Variants in LCP2 observed in about 807,000 individuals in gnomAD.
The protein encoded by LCP2 is 76 kDa tyrosine phosphoprotein.
Under a neutral mutation model 74.5 loss-of-function variants are expected in LCP2, and 29 were observed. The observed-to-expected ratio is 0.39, with a 90% CI of 0.29 to 0.53. LCP2 has a LOEUF of 0.53. LCP2 is among the 20% of genes least tolerant of loss of function. The pLI is 0.72. For synonymous variants in LCP2, 228 were observed against 229.5 expected (o/e 0.99, Z 0.06); for missense variants, 604 against 634.6 (o/e 0.95, Z 0.52).
intron 1 of LCP2, 25 bp from the exon 2 acceptor site, chr5:170,293,397 G>T: frequency 1.3e-6 from 2 of 1,569,370 alleles, no homozygotes; most frequent in South Asian, 2.3e-5. Context: ...GGAAGGTGTT[G>T]TTAGTGACGG....
intron 1 of LCP2, among the ~76,000 whole-genome samples, chr5:170,294,739 C>T (rs1762344401): frequency 6.6e-6 from 1 of 152,156 alleles, no homozygotes; most frequent in Non-Finnish European, 1.5e-5. Flanking sequence ...CCCTGGTATC[C>T]CCTTTATCTA....
At chr5:170,280,354 C>A (rs1028077534) in intron 3 of LCP2, among the ~76,000 whole-genome samples, 1 of 152,106 alleles carries the variant, frequency 6.6e-6, no homozygotes, top group Non-Finnish European at 1.5e-5. Context: ...TGCACACATT[C>A]CCACTCTCAG....
chr5:170,278,742 C>T (rs1762053500), intron 3 of LCP2, among the ~76,000 whole-genome samples: 1 of 152,070 alleles, frequency 6.6e-6, no homozygotes, highest in Non-Finnish European at 1.5e-5. Flanking sequence ...CTCTAGCAGC[C>T]AGGCTGGAGG....
intron 3 of LCP2, among the ~76,000 whole-genome samples, chr5:170,280,268 G>C (rs1254514247): frequency 6.6e-6 from 1 of 151,878 alleles, no homozygotes; most frequent in Non-Finnish European, 1.5e-5. Flanking sequence ...TCCTGGGTAG[G>C]GCAGATGCCT....
chr5:170,276,608 G>C (rs1225604222), intron 3 of LCP2, among the ~76,000 whole-genome samples: 1 of 152,106 alleles, frequency 6.6e-6, no homozygotes, highest in Non-Finnish European at 1.5e-5. Flanking sequence ...GATGGAGCTG[G>C]GGGAGCTGGG....
intron 13 of LCP2, among the ~76,000 whole-genome samples, chr5:170,261,466 C>CAT (rs1561968752): frequency 4.5e-4 from 23 of 50,760 alleles, no homozygotes; most frequent in African/African-American, 1.8e-3. Flanking sequence ...TATGTATATA[C>CAT]ACACACACAC....
At chr5:170,273,237 G>C (rs1489183238) in intron 6 of LCP2, among the ~76,000 whole-genome samples, 1 of 152,134 alleles carries the variant, frequency 6.6e-6, no homozygotes, top group Non-Finnish European at 1.5e-5. Context: ...AGAGAGGATC[G>C]AAGACTAGCC....
Position 170,262,822 on chromosome 5 carries a change from T to A in LCP2, c.818+20A>T, listed in dbSNP as rs769495804. On this transcript the variant is annotated intron_variant, in intron 12 of 20. Transcript: ENST00000046794. ...CTACAGAACGTCCCATGTACCCTCA[T>A]GTAGATGCAACAGTCTTACCTTCCC... The A allele has an allele frequency of 1.2e-6, 2 of 1,613,888 alleles. No homozygotes were observed. The highest frequency in any genetic ancestry group is 1.7e-6 in the Non-Finnish European group (2 of 1,179,884).
chr5:170,277,302 G>A (rs149626219), intron 3 of LCP2, among the ~76,000 whole-genome samples: 102 of 152,194 alleles, frequency 6.7e-4, no homozygotes, highest in East Asian at 4.3e-3. Flanking sequence ...AACGGCTCAT[G>A]ATCTCTATTT....
rs903994097 is a variant in LCP2 at position 170,246,351 on chromosome 5, G to C, written c.*2346C>G. 2.9e-4 allele frequency: 88 copies of C among 307,018 alleles called. No homozygotes were observed. The highest frequency in any genetic ancestry group is 1.7e-3 in the African/African-American group (81 of 47,082). The allele number at this position is 307,018 out of a possible 1,614,324, so 19.0% of individuals were successfully genotyped here. A position where few individuals can be genotyped will look rare whatever the true frequency, so the allele number is the denominator to read the frequency against. ...ACTGCTTATCCTTTAGCTTATGCTT[G>C]AATTTGGCTCAGGTTGAAAGAGAGC... is the stretch of plus-strand genomic sequence containing the variant. On this transcript the variant is annotated 3_prime_UTR_variant, in exon 21 of 21. Coordinates refer to ENST00000046794, the MANE Select transcript of LCP2 (RefSeq NM_005565.5).
chr5:170,264,865 G>C (rs1365670295), intron 10 of LCP2, among the ~76,000 whole-genome samples: 1 of 151,812 alleles, frequency 6.6e-6, no homozygotes, highest in African/African-American at 2.4e-5. Flanking sequence ...GAGTTTTGAC[G>C]GTATAAAAGA....
At chr5:170,291,355 C>T (rs1479577096) in intron 2 of LCP2, among the ~76,000 whole-genome samples, 3 of 152,194 alleles carry the variant, frequency 2.0e-5, no homozygotes, top group African/African-American at 7.2e-5. Context: ...TCAAGCGTCC[C>T]AAATTGTACC....
chr5:170,291,191 A>G (rs1286469143), intron 2 of LCP2, among the ~76,000 whole-genome samples: 1 of 139,494 alleles, frequency 7.2e-6, no homozygotes, highest in Non-Finnish European at 1.6e-5. Context: ...GAAAGGAAGG[A>G]AAGAAGGCAG....
chr5:170,261,167 C>CTGAG, intron 13 of LCP2, 30 bp from the exon 14 acceptor site: 1 of 1,567,822 alleles, frequency 6.4e-7, no homozygotes, highest in Non-Finnish European at 8.8e-7. Flanking sequence ...ATAAAAAGAA[C>CTGAG]TGAGCATGAA....
intron 3 of LCP2, among the ~76,000 whole-genome samples, chr5:170,277,760 A>AAG (rs1554140848): frequency 0.33 from 43,633 of 132,078 alleles, 8,171 homozygotes; most frequent in Middle Eastern, 0.48. Flanking sequence ...AAAAAAAAAA[A>AAG]AAAGAAAGAA....
intron 2 of LCP2, among the ~76,000 whole-genome samples, chr5:170,289,635 T>C (rs529045324): frequency 2.9e-5 from 3 of 104,072 alleles, no homozygotes; most frequent in African/African-American, 1.3e-4. Flanking sequence ...CTTTCTTTCT[T>C]TCTTTCTTTC....
intron 5 of LCP2, 106 bp downstream of exon 5, chr5:170,275,214 A>C (rs1653112221): frequency 2.5e-6 from 3 of 1,212,616 alleles, no homozygotes; most frequent in Middle Eastern, 1.9e-4. Context: ...ACAAGTCAGT[A>C]AGGTCACCTG....
chr5:170,287,885 A>T, intron 3 of LCP2, 85 bp downstream of exon 3: 1 of 1,260,504 alleles, frequency 7.9e-7, no homozygotes, highest in Non-Finnish European at 1.2e-6. Flanking sequence ...CGACAATGAC[A>T]TAGAACTGAC....
At chr5:170,284,229 C>T (rs1424925460) in intron 3 of LCP2, among the ~76,000 whole-genome samples, 1 of 152,196 alleles carries the variant, frequency 6.6e-6, no homozygotes, top group East Asian at 1.9e-4. Flanking sequence ...TTCTGGCACC[C>T]TTCATTCCTA....
Sources: gnomAD v4.1 joint callset for allele counts (sites outside exome capture counted in the v4.1 genomes callset) on GRCh38, gnomAD v4.1.1 for gene constraint, MANE v1.5 for transcripts, NCBI Gene and HGNC (gene_info 2026-07-23, HGNC 2026-07-21) for gene names.